NLRP12: variants seen among roughly 807,000 people sequenced by gnomAD.
NLRP12 encodes the protein NACHT, LRR and PYD domains-containing protein 12.
NLRP12 carries 108 observed loss-of-function variants against 91.2 expected under a neutral mutation model. The observed-to-expected ratio is 1.18, with a 90% CI of 1.01 to 1.39. The LOEUF (loss-of-function observed/expected upper bound fraction) is 1.39. Ranked by LOEUF, NLRP12 falls within the 40% of genes most tolerant of loss-of-function variation. The pLI is 0.00. For missense variants in NLRP12, 1,530 were observed against 1,352.7 expected (o/e 1.13, Z -2.06); for synonymous variants, 613 against 566.7 (o/e 1.08, Z -1.16).
At chr19:53,798,961 C>T (rs914287878) in intron 7 of NLRP12, among the ~76,000 whole-genome samples, 8 of 150,942 alleles carry the variant, frequency 5.3e-5, no homozygotes, top group South Asian at 2.1e-4. Context: ...AGGCTGGTTT[C>T]GAACTCCTGA....
At chr19:53,796,118 G>A in intron 8 of NLRP12, 89 bp from the exon 9 acceptor site, 3 of 1,279,024 alleles carry the variant, frequency 2.3e-6, no homozygotes, top group Non-Finnish European at 3.4e-6. Flanking sequence ...CCAGGCTGGA[G>A]TACAGTGGTG....
chr19:53,809,079 A>T (rs990000769), intron 3 of NLRP12, among the ~76,000 whole-genome samples: 1 of 152,124 alleles, frequency 6.6e-6, no homozygotes, highest in Non-Finnish European at 1.5e-5. Context: ...TACAAAAATT[A>T]TCCTGGCATG....
At chr19:53,817,648 A>G (rs1599860168) in intron 1 of NLRP12, among the ~76,000 whole-genome samples, 5 of 151,956 alleles carry the variant, frequency 3.3e-5, no homozygotes. Context: ...AGGCAGGATA[A>G]TTGCTTGAAC....
chr19:53,810,875 A>T lies in NLRP12; in HGVS notation c.784T>A (p.Cys262Ser), dbSNP rs762240454. 4 of 1,614,106 alleles carry T rather than the reference A, an allele frequency of 2.5e-6. No homozygotes were observed. The highest frequency in any genetic ancestry group is 2.5e-6 in the Non-Finnish European group (3 of 1,180,024). ...CREMNQSATE[C>S]SMQDLIFSCW... The stretch of plus-strand genomic sequence containing the variant: ...CTGAAGATGAGGTCTTGCATGCTGC[A>T]TTCCGTGGCACTCTGGTTCATCTCC... Residue 262 changes from cysteine to serine, a missense_variant, in exon 3 of 10, where the codon TGC (cysteine) becomes AGC (serine). Transcript: ENST00000324134.
At chr19:53,800,803 C>T (rs972585843) in intron 7 of NLRP12, among the ~76,000 whole-genome samples, 4 of 151,994 alleles carry the variant, frequency 2.6e-5, no homozygotes, top group African/African-American at 7.2e-5. Flanking sequence ...AGGCTGGTCT[C>T]GAATTCCCCA....
intron 3 of NLRP12, chr19:53,808,029 C>T (rs1197333148): frequency 2.8e-6 from 1 of 356,544 alleles, no homozygotes; most frequent in Non-Finnish European, 5.5e-6. Flanking sequence ...GGATTACAGG[C>T]GTGAGCCACC....
chr19:53,807,222 C>T (rs2091974417), intron 4 of NLRP12, among the ~76,000 whole-genome samples: 1 of 152,174 alleles, frequency 6.6e-6, no homozygotes, highest in African/African-American at 2.4e-5. Flanking sequence ...CGCCCGCCAC[C>T]ACACCCTCCT....
rs1389351409 is a variant in NLRP12 at position 53,810,095 on chromosome 19, C to A, written c.1564G>T (p.Ala522Ser). ...FIHLSFQEFF[A>S]AMYYILDEGE... is the part of the protein sequence containing the mutation. The stretch of plus-strand genomic sequence containing the variant: ...TCGTCCAGGATATAGTACATAGCTG[C>A]AAAGAATTCCTGGAAACTCAAGTGG... The change falls in exon 3 of 10, where the codon GCA becomes TCA. Residue 522 changes from alanine (A) to serine (S), a missense_variant. Ala to Ser is a moderately conservative substitution (Grantham distance 99). Transcript: ENST00000324134. 6.2e-7 allele frequency: 1 copy of A among 1,614,186 alleles called. No individual in the cohort carries two copies. Among genetic ancestry groups the A allele is most frequent in the Non-Finnish European group, 8.5e-7 (1 of 1,180,036 alleles).
At chr19:53,823,494 A>ATATAAAATATATAT (rs1568703208) in intron 1 of NLRP12, among the ~76,000 whole-genome samples, 2 of 82,074 alleles carry the variant, frequency 2.4e-5, no homozygotes, top group African/African-American at 5.0e-5. Flanking sequence ...TTTAAAATAT[A>ATATAAAATATATAT]TTTATTTAAA....
intron 7 of NLRP12, among the ~76,000 whole-genome samples, chr19:53,799,010 A>ATTTTTT (rs34728764): frequency 8.4e-6 from 1 of 119,612 alleles, no homozygotes; most frequent in African/African-American, 3.3e-5. Context: ...CTATCTACAA[A>ATTTTTT]TTTTTTTTTT....
rs1265931960 is a variant in NLRP12, at chr19:53,810,097, A to G, written c.1562T>C (p.Phe521Ser). Residue 521 changes from phenylalanine (F) to serine (S), a missense_variant, in exon 3 of 10, where the codon TTT becomes TCT. Transcript: ENST00000324134. The stretch of plus-strand genomic sequence containing the variant: ...GTCCAGGATATAGTACATAGCTGCA[A>G]AGAATTCCTGGAAACTCAAGTGGAT... ...SFIHLSFQEF[F>S]AAMYYILDEG... 6.2e-7 allele frequency: 1 copy of G among 1,614,034 alleles called. No homozygotes were observed. The highest frequency in any genetic ancestry group is 1.3e-5 in the African/African-American group (1 of 74,922).
intron 8 of NLRP12, among the ~76,000 whole-genome samples, chr19:53,797,138 T>TTA (rs543358897): frequency 1.3e-4 from 13 of 102,818 alleles, no homozygotes; most frequent in East Asian, 3.0e-4. Context: ...TGAATTATTA[T>TTA]TTTTTTTTCT....
At position 53,794,058 on chromosome 19, in the gene NLRP12, A is replaced by C. The variant is rs772194180; in HGVS notation, c.3177T>G (p.Ile1059Met). 6.2e-7 allele frequency: 1 copy of C among 1,612,800 alleles called. No individual in the cohort carries two copies. Among genetic ancestry groups the C allele is most frequent in the Non-Finnish European group, 8.5e-7 (1 of 1,178,866 alleles). ...ALRVTKPYLD[I>M]GC Reference sequence around the variant, plus strand: ...CAGCAGATAGGACCATTCAGCAGCCAATGTCCAAATAAGGTTTTGTTACTC... The same window carrying C: ...CAGCAGATAGGACCATTCAGCAGCCCATGTCCAAATAAGGTTTTGTTACTC... The change falls in exon 10 of 10, where the codon ATT becomes ATG. Residue 1059 changes from isoleucine (I) to methionine (M), a missense_variant. Physicochemically the swap from Ile to Met is conservative, Grantham distance 10. Transcript: ENST00000324134.
intron 9 of NLRP12, among the ~76,000 whole-genome samples, chr19:53,794,680 TC>T (rs2091716722): frequency 6.7e-6 from 1 of 149,548 alleles, no homozygotes; most frequent in Non-Finnish European, 1.5e-5. Context: ...TTTTTTTCTT[TC>T]CCCAAGATGG....
At position 53,823,715 on chromosome 19, in the gene NLRP12, AT is replaced by A. The variant is rs926398842; in HGVS notation, c.289+170del. Reference sequence around the variant, plus strand: ...AGACGTATACCACCACACCTGGCTAATTTTTTTTATTTTTGGTAGAGACAGA... The same window carrying A: ...AGACGTATACCACCACACCTGGCTAATTTTTTTATTTTTGGTAGAGACAGA... On this transcript the variant is annotated intron_variant, in intron 1 of 9. Coordinates refer to ENST00000324134, the MANE Select transcript of NLRP12 (RefSeq NM_144687.4). 1.1e-4 allele frequency among the ~76,000 whole-genome samples: 17 copies of A among 150,800 alleles called. No individual in the cohort carries two copies. The East Asian group carries it at 1.2e-3, about 10-fold the overall frequency.
Position 53,810,038 on chromosome 19 carries a change from C to A in NLRP12, c.1621G>T (p.Val541Leu), listed in dbSNP as rs142569357. Residue 541 changes from valine (V) to leucine (L), a missense_variant, in exon 3 of 10, where the codon GTG (valine) becomes TTG (leucine). By Grantham distance (32) the Val-to-Leu change is conservative. Transcript: ENST00000324134. ...GEGGAGPDQD[V>L]TRLLTEYAFS... ...GCGTACTCGGTCAACAGCCTGGTCACGTCCTGGTCTGGGCCTGCCCCGCCC... is the reference window on the plus strand; with the variant it reads ...GCGTACTCGGTCAACAGCCTGGTCAAGTCCTGGTCTGGGCCTGCCCCGCCC... 1.3e-5 allele frequency: 21 copies of A among 1,614,152 alleles called. No homozygotes were observed. In the African/African-American group the frequency reaches 1.6e-4, roughly 12 times the overall value.
At chr19:53,815,263 C>G (rs1363773166) in intron 1 of NLRP12, among the ~76,000 whole-genome samples, 1 of 124,312 alleles carries the variant, frequency 8.0e-6, no homozygotes, top group Admixed American at 9.9e-5. Flanking sequence ...GAGTCTTGCT[C>G]TGTTGCCCAG....
chr19:53,824,127 G>A lies in NLRP12; in HGVS notation c.48C>T (p.Tyr16=), dbSNP rs1346363234. The A allele has an allele frequency of 6.2e-7, 1 of 1,614,116 alleles. No individual in the cohort carries two copies. Among genetic ancestry groups the A allele is most frequent in the Non-Finnish European group, 8.5e-7 (1 of 1,180,026 alleles). The part of the protein sequence containing the change: ...GRDGLCRLST[Y]LEELEAVELK... ...GTTCCACAGCCTCGAGTTCTTCCAA[G>A]TAGGTGGACAGGCGACAGAGGCCGT... is the stretch of plus-strand genomic sequence containing the variant. Residue 16 remains tyrosine, a synonymous_variant, in exon 1 of 10, where the codon TAC becomes TAT. Coordinates refer to ENST00000324134, the MANE Select transcript of NLRP12 (RefSeq NM_144687.4).
intron 7 of NLRP12, among the ~76,000 whole-genome samples, chr19:53,800,932 A>C (rs571037376): frequency 1.8e-4 from 27 of 152,044 alleles, no homozygotes; most frequent in African/African-American, 6.3e-4. Context: ...CAGTGGCTCA[A>C]GCCTGTAATC....
Sources: gnomAD v4.1 joint callset for allele counts (sites outside exome capture counted in the v4.1 genomes callset) on GRCh38, gnomAD v4.1.1 for gene constraint, MANE v1.5 for transcripts, NCBI Gene and HGNC (gene_info 2026-07-23, HGNC 2026-07-21) for gene names.